ECHDC1: variants seen among roughly 807,000 people sequenced by gnomAD.
The protein encoded by ECHDC1 is ethylmalonyl-CoA decarboxylase 1.
ECHDC1 carries 29 observed loss-of-function variants against 29.7 expected under a neutral mutation model. That is an observed-to-expected ratio of 0.98 (90% CI 0.73 to 1.33). The LOEUF (loss-of-function observed/expected upper bound fraction) is 1.33. Among genes scored for constraint, ECHDC1 ranks in the 40% most tolerant of loss-of-function variants. The probability of loss-of-function intolerance (pLI) is 0.00; values close to 1 mark genes in which losing one functional copy is unlikely to be tolerated. For missense variants in ECHDC1, 328 were observed against 350.0 expected (o/e 0.94, Z 0.50); for synonymous variants, 126 against 123.1 (o/e 1.02, Z -0.15).
In ECHDC1 at chr6:127,307,648, G is replaced by GAAAAAAAAAAAAAAAAA. The variant is rs71024770; in HGVS notation, c.497+7167_497+7168insTTTTTTTTTTTTTTTTT. 2.0e-3 allele frequency among the ~76,000 whole-genome samples: 97 copies of GAAAAAAAAAAAAAAAAA among 48,600 alleles called. 14 individuals are homozygous for GAAAAAAAAAAAAAAAAA. The highest frequency in any genetic ancestry group is 2.4e-3 in the Non-Finnish European group (57 of 23,286). 31.9% of individuals were successfully genotyped at this position (48,600 alleles called of 152,430 possible). ...GGTGACAGAGTGATACTCTGTCTCA[G>GAAAAAAAAAAAAAAAAA]AAAAAAAAAAAAAAGACAGAAAGAA... On this transcript the variant is annotated intron_variant, in intron 5 of 5. Transcript: ENST00000454859.
chr6:127,316,192 T>A, intron 4 of ECHDC1: 1 of 460,774 alleles, frequency 2.2e-6, no homozygotes, highest in Non-Finnish European at 4.1e-6. Flanking sequence ...TAAATACAGC[T>A]AGTTATATAA....
At chr6:127,290,533 A>T (rs1292127873) in intron 5 of ECHDC1, among the ~76,000 whole-genome samples, 1 of 152,030 alleles carries the variant, frequency 6.6e-6, no homozygotes, top group Admixed American at 6.6e-5. Context: ...TAAAAGCCCA[A>T]AGTTGATCTT....
chr6:127,314,827 T>C lies in ECHDC1; in HGVS notation c.486A>G (p.Ala162=), dbSNP rs776003051. 6 of 1,607,202 alleles carry C rather than the reference T, an allele frequency of 3.7e-6. No homozygotes were observed. Among genetic ancestry groups the C allele is most frequent in the Non-Finnish European group, 5.1e-6 (6 of 1,177,388 alleles). Residue 162 remains alanine, a synonymous_variant, in exon 5 of 6, where the codon GCA becomes GCG. Transcript: ENST00000454859. The part of the protein sequence containing the change: ...ALGGGAEFTT[A]CDFRLMTPES... ...AATTTTCATCCTACCTGAAATCACA[T>C]GCTGTAGTAAATTCTGCTCCTCCAC...
intron 2 of ECHDC1, 83 bp downstream of exon 2, chr6:127,330,726 T>G: frequency 8.4e-7 from 1 of 1,183,632 alleles, no homozygotes; most frequent in Admixed American, 2.3e-5. Flanking sequence ...TAAAACATTC[T>G]GTCACCACAG....
intron 5 of ECHDC1, chr6:127,313,509 T>A (rs545436206): frequency 9.0e-6 from 4 of 444,398 alleles, no homozygotes; most frequent in Non-Finnish European, 9.1e-6. Flanking sequence ...GGCTTAAAAG[T>A]TTTTAAATGT....
intron 5 of ECHDC1, among the ~76,000 whole-genome samples, chr6:127,310,425 G>A (rs1384704999): frequency 6.6e-6 from 1 of 151,956 alleles, no homozygotes; most frequent in Non-Finnish European, 1.5e-5. Context: ...CAATCCTCAT[G>A]GTTGGCTTTC....
intron 3 of ECHDC1, among the ~76,000 whole-genome samples, chr6:127,318,666 T>C (rs1393876284): frequency 6.6e-6 from 1 of 152,206 alleles, no homozygotes; most frequent in Non-Finnish European, 1.5e-5. Context: ...ATTTGCTAGG[T>C]CTAGACAGTA....
At chr6:127,313,873 CT>C (rs1416546655) in intron 5 of ECHDC1, among the ~76,000 whole-genome samples, 5 of 152,180 alleles carry the variant, frequency 3.3e-5, no homozygotes, top group Admixed American at 3.3e-4. Flanking sequence ...ATGCTAAAAC[CT>C]ATATTTTCAC....
At chr6:127,333,664 C>G (rs558819532) in intron 1 of ECHDC1, among the ~76,000 whole-genome samples, 2 of 135,284 alleles carry the variant, frequency 1.5e-5, no homozygotes, top group South Asian at 4.8e-4. Flanking sequence ...CTCTCTTTCT[C>G]TTACACACAC....
intron 3 of ECHDC1, among the ~76,000 whole-genome samples, chr6:127,318,552 C>A (rs1400513088): frequency 6.6e-6 from 1 of 152,076 alleles, no homozygotes; most frequent in Non-Finnish European, 1.5e-5. Context: ...AGGTATTATA[C>A]AAAGTGCTTG....
intron 5 of ECHDC1, among the ~76,000 whole-genome samples, chr6:127,297,756 G>A (rs1780728410): frequency 6.6e-6 from 1 of 152,136 alleles, no homozygotes. Context: ...ACCCACAGCT[G>A]CAGAGATAAG....
chr6:127,340,084 C>T (rs959656387), intron 1 of ECHDC1, among the ~76,000 whole-genome samples: 1 of 152,172 alleles, frequency 6.6e-6, no homozygotes, highest in Non-Finnish European at 1.5e-5. Context: ...AAAATATTGA[C>T]ACTTTTTAAG....
chr6:127,304,489 T>C (rs1781295799), intron 5 of ECHDC1, among the ~76,000 whole-genome samples: 1 of 152,128 alleles, frequency 6.6e-6, no homozygotes, highest in Non-Finnish European at 1.5e-5. Context: ...AATGCCCAGA[T>C]ACCAAAGAAC....
chr6:127,319,603 G>A (rs190778779), intron 3 of ECHDC1, among the ~76,000 whole-genome samples: 1 of 152,278 alleles, frequency 6.6e-6, no homozygotes, highest in East Asian at 1.9e-4. Context: ...CCTCTCACTG[G>A]GTTGAAGAAA....
chr6:127,343,129 G>A (rs531851734), intron 1 of ECHDC1: 5 of 152,258 alleles, frequency 3.3e-5, no homozygotes, highest in South Asian at 2.1e-4. Flanking sequence ...CAGCCGGCCC[G>A]TGGCGCTCGG....
chr6:127,314,816 C>G lies in ECHDC1; in HGVS notation c.497G>C (p.Arg166Thr). 2 of 1,600,738 alleles carry G rather than the reference C, an allele frequency of 1.2e-6. No individual in the cohort carries two copies. The highest frequency in any genetic ancestry group is 1.7e-6 in the Non-Finnish European group (2 of 1,175,096). ...GAEFTTACDF[R>T]LMTPESKIRF... ...GAAATTAATGAAATTTTCATCCTAC[C>G]TGAAATCACATGCTGTAGTAAATTC... The change falls in exon 5 of 6, where the codon AGG (arginine) becomes ACG (threonine). Residue 166 changes from arginine (R) to threonine (T), a missense_variant and splice_region_variant. By Grantham distance (71) the Arg-to-Thr change is moderately conservative. Transcript: ENST00000454859.
At chr6:127,331,935 T>C in intron 1 of ECHDC1, 3 of 949,798 alleles carry the variant, frequency 3.2e-6, no homozygotes, top group Non-Finnish European at 3.8e-6. Context: ...TTCTGTCACT[T>C]TTCTCCTCTT....
At chr6:127,339,705 G>A (rs376496324) in intron 1 of ECHDC1, among the ~76,000 whole-genome samples, 1 of 149,270 alleles carries the variant, frequency 6.7e-6, no homozygotes, top group African/African-American at 2.5e-5. Flanking sequence ...CCCAGGAAAC[G>A]GAAATTGCAG....
intron 1 of ECHDC1, among the ~76,000 whole-genome samples, chr6:127,331,617 G>C (rs9491733): frequency 1.5e-4 from 23 of 152,256 alleles, no homozygotes; most frequent in African/African-American, 5.3e-4. Context: ...CAATAGGAAA[G>C]CTTAGAAAAA....
Sources: allele counts gnomAD v4.1 joint callset (sites outside exome capture counted in the v4.1 genomes callset), GRCh38; gene constraint gnomAD v4.1.1; transcripts MANE v1.5; gene names NCBI Gene and HGNC (gene_info 2026-07-23, HGNC 2026-07-21).